Variants in PNPLA6 observed in about 807,000 individuals in gnomAD.
PNPLA6 encodes patatin-like phospholipase domain-containing protein 6.
PNPLA6 carries 105 observed loss-of-function variants against 153.7 expected under a neutral mutation model. The ratio of observed to expected loss-of-function variants is 0.68; its 90% CI spans 0.58 to 0.80. PNPLA6 has a LOEUF of 0.80. PNPLA6 is among the 30% of genes least tolerant of loss of function. The probability of loss-of-function intolerance (pLI) is 0.00; values close to 1 mark genes in which losing one functional copy is unlikely to be tolerated. For missense variants in PNPLA6, 1,423 were observed against 1,919.3 expected, an observed-to-expected ratio of 0.74 and a Z score of 4.83; for synonymous variants, 825 against 822.2, an observed-to-expected ratio of 1.00 and a Z score of -0.06.
chr19:7,542,488 C>T, intron 10 of PNPLA6, 73 bp from the exon 11 acceptor site: 1 of 1,166,570 alleles, frequency 8.6e-7, no homozygotes, highest in South Asian at 1.3e-5. Context: ...GCCTGCACCA[C>T]TACACCTGGC....
intron 3 of PNPLA6, 47 bp downstream of exon 3, chr19:7,536,593 G>A (rs1286166522): frequency 1.6e-6 from 2 of 1,245,694 alleles, no homozygotes; most frequent in Non-Finnish European, 2.4e-6. Flanking sequence ...TATCTCAGGG[G>A]CCTTTTGAGT....
chr19:7,543,871 T>C (rs2023267563), intron 13 of PNPLA6, among the ~76,000 whole-genome samples: 1 of 150,926 alleles, frequency 6.6e-6, no homozygotes, highest in South Asian at 2.1e-4. Context: ...AGTGCTGCAG[T>C]GGCGTGACGG....
rs983596236 is a variant in PNPLA6 at position 7,540,355 on chromosome 19, G to A, written c.714+47G>A. Reference sequence around the variant, plus strand: ...CTGCTGCAGGAGGATGGGTGGTGGGGATGGGCAGCAGGCATTGGTCTGTAG... The same window carrying A: ...CTGCTGCAGGAGGATGGGTGGTGGGAATGGGCAGCAGGCATTGGTCTGTAG... On this transcript the variant is annotated intron_variant, in intron 5 of 31. Coordinates refer to ENST00000600737, the MANE Select transcript of PNPLA6 (RefSeq NM_001166114.2). The surrounding 1 kb of genome is among the most constrained non-coding windows in gnomAD (Gnocchi z 6.8). 1 of 1,570,866 alleles carries A rather than the reference G, an allele frequency of 6.4e-7. No individual in the cohort carries two copies. Among genetic ancestry groups the A allele is most frequent in the African/African-American group, 1.3e-5 (1 of 74,374 alleles).
Sources: gnomAD v4.1 joint callset for allele counts (sites outside exome capture counted in the v4.1 genomes callset) on GRCh38, gnomAD v4.1.1 for gene constraint, Gnocchi (gnomAD v3.1) non-coding constraint, MANE v1.5 for transcripts, NCBI Gene and HGNC (gene_info 2026-07-23, HGNC 2026-07-21) for gene names.